The following MYO1E variants were observed in gnomAD, a reference collection of about 807,000 sequenced individuals.
The protein encoded by MYO1E is unconventional myosin-Ie.
MYO1E carries 68 observed loss-of-function variants against 151.1 expected under a neutral mutation model. That is an observed-to-expected ratio of 0.45 (90% CI 0.37 to 0.55). The LOEUF (loss-of-function observed/expected upper bound fraction) is 0.55, where lower values mean the gene tolerates loss of function less well. MYO1E is among the 20% of genes least tolerant of loss of function. The probability of loss-of-function intolerance (pLI) is 0.00; values close to 1 mark genes in which losing one functional copy is unlikely to be tolerated. For synonymous variants in MYO1E, 601 were observed against 501.7 expected, an observed-to-expected ratio of 1.20 and a Z score of -2.64; for missense variants, 1,363 against 1,389.3, an observed-to-expected ratio of 0.98 and a Z score of 0.30.
chr15:59,359,010 T>C (rs2080870452), intron 1 of MYO1E, among the ~76,000 whole-genome samples: 1 of 152,118 alleles, frequency 6.6e-6, no homozygotes. Flanking sequence ...TATGAATCTT[T>C]TTCCCAGGAA....
At chr15:59,171,114 G>T (rs967841889) in intron 22 of MYO1E, 5 of 155,922 alleles carry the variant, frequency 3.2e-5, no homozygotes, top group African/African-American at 9.6e-5. Context: ...AGGATTTCCT[G>T]TGTCAGCGGA....
chr15:59,157,386 C>G (rs910619835), intron 25 of MYO1E, among the ~76,000 whole-genome samples: 2 of 152,200 alleles, frequency 1.3e-5, no homozygotes. Context: ...CTATAACTTA[C>G]AAAATAGTAG....
intron 1 of MYO1E, among the ~76,000 whole-genome samples, chr15:59,304,578 C>T (rs1408532528): frequency 1.3e-5 from 2 of 152,120 alleles, no homozygotes; most frequent in African/African-American, 4.8e-5. Context: ...CCTTCTTTTT[C>T]CTCATTTCAA....
chr15:59,237,797 A>G (rs1296833354), intron 4 of MYO1E, among the ~76,000 whole-genome samples: 1 of 152,246 alleles, frequency 6.6e-6, no homozygotes, highest in Non-Finnish European at 1.5e-5. Context: ...CTATTCCCAA[A>G]AGGAAACTGA....
chr15:59,330,698 T>C (rs1001632260), intron 1 of MYO1E, among the ~76,000 whole-genome samples: 8 of 152,196 alleles, frequency 5.3e-5, no homozygotes, highest in Non-Finnish European at 7.4e-5. Context: ...ATGAAAATCA[T>C]GTAGAACAGG....
At chr15:59,285,490 T>C (rs1332586732) in intron 1 of MYO1E, among the ~76,000 whole-genome samples, 1 of 151,040 alleles carries the variant, frequency 6.6e-6, no homozygotes, top group Non-Finnish European at 1.5e-5. Flanking sequence ...CCCGAGTGGC[T>C]GGGCTTACAG....
intron 1 of MYO1E, among the ~76,000 whole-genome samples, chr15:59,327,475 T>G (rs1366256453): frequency 6.6e-6 from 1 of 151,962 alleles, no homozygotes; most frequent in Non-Finnish European, 1.5e-5. Flanking sequence ...CATCTGGCTA[T>G]TTTTATTATT....
intron 13 of MYO1E, 116 bp from the exon 14 acceptor site, chr15:59,208,964 A>G: frequency 8.1e-7 from 1 of 1,232,456 alleles, no homozygotes; most frequent in Non-Finnish European, 1.2e-6. Flanking sequence ...ACCATCTTGA[A>G]AGTCAGTATT....
At chr15:59,243,613 G>T (rs1208796999) in intron 4 of MYO1E, among the ~76,000 whole-genome samples, 1 of 152,112 alleles carries the variant, frequency 6.6e-6, no homozygotes, top group East Asian at 1.9e-4. Context: ...CATATGGGTT[G>T]ACTAGTCAAT....
At chr15:59,152,672 T>C (rs1163675253) in intron 26 of MYO1E, among the ~76,000 whole-genome samples, 1 of 152,144 alleles carries the variant, frequency 6.6e-6, no homozygotes, top group Non-Finnish European at 1.5e-5. Context: ...CCCAACAAGT[T>C]TGCTGCAAGT....
chr15:59,222,973 G>A, intron 9 of MYO1E, 86 bp downstream of exon 9: 2 of 1,573,852 alleles, frequency 1.3e-6, no homozygotes, highest in East Asian at 2.2e-5. Context: ...ATTCCCATTT[G>A]AGATCTAAGC....
intron 14 of MYO1E, chr15:59,206,827 C>A: frequency 9.4e-7 from 1 of 1,062,624 alleles, no homozygotes; most frequent in Non-Finnish European, 1.3e-6. Context: ...GGGGGCGGGG[C>A]ACGCGCACCT....
intron 1 of MYO1E, among the ~76,000 whole-genome samples, chr15:59,370,162 C>T (rs2080936727): frequency 6.6e-6 from 1 of 152,176 alleles, no homozygotes; most frequent in South Asian, 2.1e-4. Context: ...TCAGCCACAC[C>T]CAAAGAAGGT....
intron 5 of MYO1E, among the ~76,000 whole-genome samples, chr15:59,234,733 G>A (rs2080051664): frequency 6.7e-6 from 1 of 148,778 alleles, no homozygotes; most frequent in Admixed American, 6.9e-5. Flanking sequence ...GAGGTGGAAG[G>A]GAATGCATAA....
Position 59,261,456 on chromosome 15 carries a change from A to G in MYO1E, c.201T>C (p.Tyr67=). 1 of 1,611,894 alleles carries G rather than the reference A, an allele frequency of 6.2e-7. No individual in the cohort carries two copies. The highest frequency in any genetic ancestry group is 2.2e-5 in the East Asian group (1 of 44,784). The change falls in exon 3 of 28, where the codon TAT becomes TAC. Residue 67 remains tyrosine, a synonymous_variant. Coordinates refer to ENST00000288235, the MANE Select transcript of MYO1E (RefSeq NM_004998.4). Reference sequence around the variant, plus strand: ...ACATTTCAATTTCCTTTTCCCCAAAATATGGCATCTGCTTGAAAGGGTTGA... The same window carrying G: ...ACATTTCAATTTCCTTTTCCCCAAAGTATGGCATCTGCTTGAAAGGGTTGA... The part of the protein sequence containing the change: ...ISVNPFKQMP[Y]FGEKEIEMYQ...
intron 3 of MYO1E, 134 bp from the exon 4 acceptor site, chr15:59,256,512 T>C (rs1002416414): frequency 2.2e-6 from 1 of 446,542 alleles, no homozygotes; most frequent in Non-Finnish European, 3.8e-6. Flanking sequence ...ATAGTTCCAA[T>C]GCCTATCATT....
intron 26 of MYO1E, among the ~76,000 whole-genome samples, chr15:59,147,537 C>T (rs2079448366): frequency 7.1e-6 from 1 of 141,486 alleles, no homozygotes; most frequent in East Asian, 2.1e-4. Context: ...GGTTGAGCTG[C>T]AGTGAGCCAG....
In MYO1E at chr15:59,341,016, C is replaced by CA. The variant is rs35367694; in HGVS notation, c.3+31481dup. 1.9e-3 allele frequency among the ~76,000 whole-genome samples: 163 copies of CA among 86,168 alleles called. 3 individuals are homozygous for CA. The highest frequency in any genetic ancestry group is 3.2e-3 in the East Asian group (10 of 3,150). 56.5% of individuals were successfully genotyped at this position (86,168 alleles called of 152,430 possible). ...CCTGGGACAGAGCGAGACTCCATCTCAAAAAAAAAAAAAAAAAAGAAAAAA... is the reference window on the plus strand; with the variant it reads ...CCTGGGACAGAGCGAGACTCCATCTCAAAAAAAAAAAAAAAAAAAGAAAAAA... On this transcript the variant is annotated intron_variant, in intron 1 of 27. Transcript: ENST00000288235.
At chr15:59,140,568 C>G (rs1204387814) in intron 26 of MYO1E, among the ~76,000 whole-genome samples, 2 of 152,188 alleles carry the variant, frequency 1.3e-5, no homozygotes, top group Non-Finnish European at 2.9e-5. Context: ...TCATTCACAC[C>G]TACAGGAGCA....
Sources: allele counts gnomAD v4.1 joint callset (sites outside exome capture counted in the v4.1 genomes callset), GRCh38; gene constraint gnomAD v4.1.1; transcripts MANE v1.5; gene names NCBI Gene and HGNC (gene_info 2026-07-23, HGNC 2026-07-21).